OR4S2: variants seen among roughly 807,000 people sequenced by gnomAD.
The protein encoded by OR4S2 is olfactory receptor family 4 subfamily S member 2.
In OR4S2, 16 loss-of-function variants were observed where a neutral mutation model predicts 15.1. The ratio of observed to expected loss-of-function variants is 1.06; its 90% CI spans 0.72 to 1.61. The LOEUF is 1.61. OR4S2 is among the 40% of genes most tolerant of loss of function. OR4S2 has a pLI of 0.00. For synonymous variants in OR4S2, 133 were observed against 136.3 expected (o/e 0.98, Z 0.17); for missense variants, 362 against 379.6 (o/e 0.95, Z 0.38).
In OR4S2 at chr11:55,651,220, G is replaced by T. The variant is rs766055119; in HGVS notation, c.317G>T (p.Gly106Val). 3.9e-5 allele frequency: 57 copies of T among 1,478,694 alleles called. 11 individuals carry two copies. The South Asian group carries it at 6.6e-4, about 17-fold the overall frequency. 91.6% of individuals were successfully genotyped at this position (1,478,694 alleles called of 1,614,324 possible). ...MLQLFGVHFFGCTEIFILTVM... is the reference protein window; with the variant it reads ...MLQLFGVHFFVCTEIFILTVM... ...CAACTGTTTGGAGTACATTTCTTTG[G>T]TTGCACTGAGATCTTCATCCTTACT... Residue 106 changes from glycine (G) to valine (V), a missense_variant, in exon 2 of 2, where the codon GGT becomes GTT. Coordinates refer to ENST00000641692, the MANE Select transcript of OR4S2 (RefSeq NM_001004059.3).
Position 55,649,168 on chromosome 11 carries a change from G to A in OR4S2, c.-37+618G>A, listed in dbSNP as rs1292195486. Among the ~76,000 whole-genome samples, 13 of 138,224 alleles carry A rather than the reference G, an allele frequency of 9.4e-5. 2 individuals are homozygous for A. Among genetic ancestry groups the A allele is most frequent in the Non-Finnish European group, 1.4e-4 (9 of 62,090 alleles). The allele number at this position is 138,224 out of a possible 152,430, so 90.7% of individuals were successfully genotyped here. On this transcript the variant is annotated intron_variant, in intron 1 of 1. Transcript: ENST00000641692. ...GTTGTGAGCTTCCTTAAGTTGAGGG[G>A]CTCTCTTAGTGGAGGATGGTATTTT...
Position 55,651,716 on chromosome 11 carries a change from A to G in OR4S2, c.813A>G (p.Val271=), listed in dbSNP as rs113136726. The G allele has an allele frequency of 1.7e-4, 247 of 1,464,894 alleles. 30 individuals are homozygous for G. In the African/African-American group the frequency reaches 2.9e-3, roughly 17 times the overall value. 90.7% of individuals were successfully genotyped at this position (1,464,894 alleles called of 1,614,324 possible). Residue 271 remains valine, a synonymous_variant, in exon 2 of 2, where the codon GTA becomes GTG. Transcript: ENST00000641692. The part of the protein sequence containing the change: ...TTFSEDKMVA[V]FYTIITPMLN... ...TTTCAGAGGATAAGATGGTGGCTGTATTTTACACCATTATCACTCCCATGT... is the reference window on the plus strand; with the variant it reads ...TTTCAGAGGATAAGATGGTGGCTGTGTTTTACACCATTATCACTCCCATGT...
At position 55,651,105 on chromosome 11, in the gene OR4S2, G is replaced by A; in HGVS notation, c.202G>A (p.Asp68Asn). The A allele has an allele frequency of 6.7e-7, 1 of 1,482,058 alleles. No homozygotes were observed. The highest frequency in any genetic ancestry group is 9.2e-7 in the Non-Finnish European group (1 of 1,087,656). 91.8% of individuals were successfully genotyped at this position (1,482,058 alleles called of 1,614,324 possible). A position where few individuals can be genotyped will look rare whatever the true frequency, so the allele number is the denominator to read the frequency against. Residue 68 changes from aspartate (D) to asparagine (N), a missense_variant, in exon 2 of 2, where the codon GAC becomes AAC. Transcript: ENST00000641692. ...CTTTCTCAGCTTCTTGTCTTTTGTG[G>A]ACATTTGTTACTCTTCAGTCACAGC... The part of the protein sequence containing the change: ...YFFLSFLSFV[D>N]ICYSSVTAPK...
chr11:55,649,962 C>T (rs1858543416), intron 1 of OR4S2, among the ~76,000 whole-genome samples: 1 of 139,006 alleles, frequency 7.2e-6, no homozygotes, highest in African/African-American at 2.5e-5. Context: ...CACTCCCTCT[C>T]CTTTCAAATC....
Position 55,652,528 on chromosome 11 carries a change from A to G in OR4S2, c.*689A>G, listed in dbSNP as rs1189687928. On this transcript the variant is annotated 3_prime_UTR_variant, in exon 2 of 2. Transcript: ENST00000641692. Reference sequence around the variant, plus strand: ...ATTATTTAGCTCAGTCTTTCAAAAGAATAAACCTCCAATCTTTTGTGAAGT... The same window carrying G: ...ATTATTTAGCTCAGTCTTTCAAAAGGATAAACCTCCAATCTTTTGTGAAGT... 1.4e-5 allele frequency: 2 copies of G among 139,160 alleles called. 1 individual carries two copies. Among genetic ancestry groups the G allele is most frequent in the Non-Finnish European group, 3.2e-5 (2 of 62,528 alleles). 8.6% of individuals were successfully genotyped at this position (139,160 alleles called of 1,614,324 possible).
rs1439558528 is a variant in OR4S2, at chr11:55,652,557, A to G, written c.*718A>G. ...AACCTCCAATCTTTTGTGAAGTAATATAGAGGAATTCTTACCTGTCTGTGT... is the reference window on the plus strand; with the variant it reads ...AACCTCCAATCTTTTGTGAAGTAATGTAGAGGAATTCTTACCTGTCTGTGT... On this transcript the variant is annotated 3_prime_UTR_variant, in exon 2 of 2. Coordinates refer to ENST00000641692, the MANE Select transcript of OR4S2 (RefSeq NM_001004059.3). 2 of 139,382 alleles carry G rather than the reference A, an allele frequency of 1.4e-5. No homozygotes were observed. Among genetic ancestry groups the G allele is most frequent in the Non-Finnish European group, 3.2e-5 (2 of 62,550 alleles). The allele number at this position is 139,382 out of a possible 1,614,324, so 8.6% of individuals were successfully genotyped here.
rs772133654 is a variant in OR4S2, at chr11:55,651,262, G to A, written c.359G>A (p.Arg120His). 4.1e-5 allele frequency: 60 copies of A among 1,478,254 alleles called. 13 individuals carry two copies. Among genetic ancestry groups the A allele is most frequent in the Middle Eastern group, 3.8e-4 (2 of 5,292 alleles). The allele number at this position is 1,478,254 out of a possible 1,614,324, so 91.6% of individuals were successfully genotyped here. Residue 120 changes from arginine (R) to histidine (H), a missense_variant, in exon 2 of 2, where the codon CGT becomes CAT. Coordinates refer to ENST00000641692, the MANE Select transcript of OR4S2 (RefSeq NM_001004059.3). ...IFILTVMAYDRYVAICKPLHY... is the reference protein window; with the variant it reads ...IFILTVMAYDHYVAICKPLHY... The stretch of plus-strand genomic sequence containing the variant: ...ATCCTTACTGTAATGGCCTATGATC[G>A]TTATGTGGCTATCTGTAAACCCCTA...
At position 55,651,193 on chromosome 11, in the gene OR4S2, T is replaced by A. The variant is rs147530123; in HGVS notation, c.290T>A (p.Leu97Ter). 167 of 1,486,754 alleles carry A rather than the reference T, an allele frequency of 1.1e-4. 31 individuals carry two copies. The highest frequency in any genetic ancestry group is 1.9e-4 in the Middle Eastern group (1 of 5,304). The allele number at this position is 1,486,754 out of a possible 1,614,324, so 92.1% of individuals were successfully genotyped here. A position where few individuals can be genotyped will look rare whatever the true frequency, so the allele number is the denominator to read the frequency against. ...DKTISYVGCM[L>*]QLFGVHFFGC... Reference sequence around the variant, plus strand: ...ACCATCTCCTATGTGGGGTGCATGTTGCAACTGTTTGGAGTACATTTCTTT... The same window carrying A: ...ACCATCTCCTATGTGGGGTGCATGTAGCAACTGTTTGGAGTACATTTCTTT... Residue 97 changes from leucine (L) to a stop codon, truncating the protein, a stop_gained, in exon 2 of 2, where the codon TTG becomes TAG. Transcript: ENST00000641692. LOFTEE classifies it high-confidence loss of function.
chr11:55,650,965 T>C lies in OR4S2; in HGVS notation c.62T>C (p.Ile21Thr), dbSNP rs1858556429. 9 of 1,466,846 alleles carry C rather than the reference T, an allele frequency of 6.1e-6. 3 individuals carry two copies. The Middle Eastern group carries it at 5.7e-4, about 94-fold the overall frequency. The allele number at this position is 1,466,846 out of a possible 1,614,324, so 90.9% of individuals were successfully genotyped here. A position where few individuals can be genotyped will look rare whatever the true frequency, so the allele number is the denominator to read the frequency against. ...IFWGLSQSPE[I>T]EKVCFVVFSF... ...TGGGGTCTTTCTCAGAGCCCAGAGA[T>C]TGAGAAAGTTTGTTTTGTGGTGTTT... Residue 21 changes from isoleucine to threonine, a missense_variant, in exon 2 of 2, where the codon ATT (isoleucine) becomes ACT (threonine). By Grantham distance (89) the Ile-to-Thr change is moderately conservative (BLOSUM62 -1). Transcript: ENST00000641692.
rs1858536815 is a variant in OR4S2, at chr11:55,649,409, A to T, written c.-37+859A>T. Among the ~76,000 whole-genome samples the T allele has an allele frequency of 1.4e-5, 2 of 138,476 alleles. 1 individual carries two copies. Among genetic ancestry groups the T allele is most frequent in the Non-Finnish European group, 3.2e-5 (2 of 62,216 alleles). The allele number at this position is 138,476 out of a possible 152,430, so 90.8% of individuals were successfully genotyped here. On this transcript the variant is annotated intron_variant, in intron 1 of 1. Transcript: ENST00000641692. ...TTCCCAAAAGCTGGAAGTATTAGGCACGACTTCACTGCATAAGGATAGCTG... is the reference window on the plus strand; with the variant it reads ...TTCCCAAAAGCTGGAAGTATTAGGCTCGACTTCACTGCATAAGGATAGCTG...
Position 55,651,228 on chromosome 11 carries a change from G to T in OR4S2, c.325G>T (p.Glu109Ter), listed in dbSNP as rs751192960. Residue 109 changes from glutamate to a stop codon, truncating the protein, a stop_gained, in exon 2 of 2, where the codon GAG becomes TAG. Coordinates refer to ENST00000641692, the MANE Select transcript of OR4S2 (RefSeq NM_001004059.3). LOFTEE classifies it high-confidence loss of function. ...TGGAGTACATTTCTTTGGTTGCACT[G>T]AGATCTTCATCCTTACTGTAATGGC... ...LFGVHFFGCT[E>*]IFILTVMAYD... 4.1e-6 allele frequency: 6 copies of T among 1,475,112 alleles called. 2 individuals carry two copies. In the South Asian group the frequency reaches 7.1e-5, roughly 17 times the overall value. 91.4% of individuals were successfully genotyped at this position (1,475,112 alleles called of 1,614,324 possible).
At position 55,648,560 on chromosome 11, in the gene OR4S2, T is replaced by C. The variant is rs1858526411; in HGVS notation, c.-37+10T>C. The C allele has an allele frequency of 7.2e-6, 1 of 138,228 alleles. No individual in the cohort carries two copies. Among genetic ancestry groups the C allele is most frequent in the Non-Finnish European group, 1.6e-5 (1 of 62,204 alleles). 8.6% of individuals were successfully genotyped at this position (138,228 alleles called of 1,614,324 possible). ...GCTCTGGAAAATACTGGTGAGATTT[T>C]TTTTTCTTTTCAAACGAATACAGAA... On this transcript the variant is annotated intron_variant, in intron 1 of 1. Transcript: ENST00000641692.
At position 55,652,018 on chromosome 11, in the gene OR4S2, T is replaced by G; in HGVS notation, c.*179T>G. ...ATAGCATTTTTATACTATTTCATAATTAGATAACTTCCTGAAATATCTATG... is the reference window on the plus strand; with the variant it reads ...ATAGCATTTTTATACTATTTCATAAGTAGATAACTTCCTGAAATATCTATG... On this transcript the variant is annotated 3_prime_UTR_variant, in exon 2 of 2. Coordinates refer to ENST00000641692, the MANE Select transcript of OR4S2 (RefSeq NM_001004059.3). The G allele has an allele frequency of 2.9e-6, 1 of 347,920 alleles. No homozygotes were observed. The highest frequency in any genetic ancestry group is 5.1e-6 in the Non-Finnish European group (1 of 195,588). The allele number at this position is 347,920 out of a possible 1,614,324, so 21.6% of individuals were successfully genotyped here.
Position 55,649,599 on chromosome 11 carries a change from C to A in OR4S2, c.-37+1049C>A, listed in dbSNP as rs1858538818. On this transcript the variant is annotated intron_variant, in intron 1 of 1. Transcript: ENST00000641692. ...TTTAATCAAAACTATTACAGATACC[C>A]TTTTCCATCCATGTACCAATGACCC... is the stretch of plus-strand genomic sequence containing the variant. 1.4e-5 allele frequency among the ~76,000 whole-genome samples: 2 copies of A among 138,430 alleles called. 1 individual carries two copies. Among genetic ancestry groups the A allele is most frequent in the Non-Finnish European group, 3.2e-5 (2 of 62,180 alleles). 90.8% of individuals were successfully genotyped at this position (138,430 alleles called of 152,430 possible).
chr11:55,649,397 G>A (rs1171101915), intron 1 of OR4S2, among the ~76,000 whole-genome samples: 1 of 138,226 alleles, frequency 7.2e-6, no homozygotes, highest in Non-Finnish European at 1.6e-5. Context: ...CCAAAAGCTG[G>A]AAGTATTAGG....
chr11:55,651,652 GC>G lies in OR4S2; in HGVS notation c.753del (p.Cys252ValfsTer29). ...ATTGCCATGGTCGTTATCTTTTTCGGCCCCTGTACTTTTATGTACATGCGCC... is the reference window on the plus strand; with the variant it reads ...ATTGCCATGGTCGTTATCTTTTTCGGCCCTGTACTTTTATGTACATGCGCC... ...SHIAMVVIFF[G>X]PCTFMYMRPD... is the part of the protein sequence containing the mutation. On this transcript the variant is annotated frameshift_variant, in exon 2 of 2. Transcript: ENST00000641692. LOFTEE classifies it high-confidence loss of function. 6.7e-7 allele frequency: 1 copy of G among 1,492,438 alleles called. No homozygotes were observed. Among genetic ancestry groups the G allele is most frequent in the Non-Finnish European group, 9.1e-7 (1 of 1,097,432 alleles). 92.4% of individuals were successfully genotyped at this position (1,492,438 alleles called of 1,614,324 possible).
In OR4S2 at chr11:55,651,217, T is replaced by C. The variant is rs11230541; in HGVS notation, c.314T>C (p.Phe105Ser). 0.18 allele frequency: 264,185 copies of C among 1,479,120 alleles called. 69,609 individuals carry two copies. The highest frequency in any genetic ancestry group is 0.41 in the East Asian group (15,914 of 38,598). 91.6% of individuals were successfully genotyped at this position (1,479,120 alleles called of 1,614,324 possible). The stretch of plus-strand genomic sequence containing the variant: ...TTGCAACTGTTTGGAGTACATTTCT[T>C]TGGTTGCACTGAGATCTTCATCCTT... ...CMLQLFGVHF[F>S]GCTEIFILTV... The change falls in exon 2 of 2, where the codon TTT becomes TCT. Residue 105 changes from phenylalanine to serine, a missense_variant. Coordinates refer to ENST00000641692, the MANE Select transcript of OR4S2 (RefSeq NM_001004059.3).
rs1158161805 is a variant in OR4S2 at position 55,651,626 on chromosome 11, C to T, written c.723C>T (p.His241=). 6 of 1,490,976 alleles carry T rather than the reference C, an allele frequency of 4.0e-6. 1 individual carries two copies. In the Admixed American group the frequency reaches 8.0e-5, roughly 20 times the overall value. The allele number at this position is 1,490,976 out of a possible 1,614,324, so 92.4% of individuals were successfully genotyped here. ...RRKALSTCGS[H]IAMVVIFFGP... ...AAGCCCTCTCCACCTGTGGCTCCCA[C>T]ATTGCCATGGTCGTTATCTTTTTCG... Residue 241 remains histidine, a synonymous_variant, in exon 2 of 2, where the codon CAC becomes CAT. Coordinates refer to ENST00000641692, the MANE Select transcript of OR4S2 (RefSeq NM_001004059.3).
In OR4S2 at chr11:55,651,636, G is replaced by T; in HGVS notation, c.733G>T (p.Val245Phe). The T allele has an allele frequency of 1.3e-6, 2 of 1,492,128 alleles. 1 individual carries two copies. The highest frequency in any genetic ancestry group is 2.4e-5 in the South Asian group (2 of 84,850). The allele number at this position is 1,492,128 out of a possible 1,614,324, so 92.4% of individuals were successfully genotyped here. A position where few individuals can be genotyped will look rare whatever the true frequency, so the allele number is the denominator to read the frequency against. Residue 245 changes from valine to phenylalanine, a missense_variant, in exon 2 of 2, where the codon GTC becomes TTC. By Grantham distance (50) the Val-to-Phe change is conservative. Transcript: ENST00000641692. The stretch of plus-strand genomic sequence containing the variant: ...CACCTGTGGCTCCCACATTGCCATG[G>T]TCGTTATCTTTTTCGGCCCCTGTAC... ...LSTCGSHIAMVVIFFGPCTFM... is the reference protein window; with the variant it reads ...LSTCGSHIAMFVIFFGPCTFM...
Sources: allele counts gnomAD v4.1 joint callset (sites outside exome capture counted in the v4.1 genomes callset), GRCh38; gene constraint gnomAD v4.1.1; transcripts MANE v1.5; gene names NCBI Gene and HGNC (gene_info 2026-07-23, HGNC 2026-07-21).